Variants in PIK3R5 observed in about 807,000 individuals in gnomAD.
The protein encoded by PIK3R5 is phosphoinositide-3-kinase regulatory subunit 5, also known as phosphoinositide 3-kinase regulatory subunit 5.
PIK3R5 carries 32 observed loss-of-function variants against 94.9 expected under a neutral mutation model. The observed-to-expected ratio is 0.34, with a 90% CI of 0.25 to 0.45. The LOEUF is 0.45. Among genes scored for constraint, PIK3R5 ranks in the 20% least tolerant of loss-of-function variants. PIK3R5 has a pLI of 1.00. For synonymous variants in PIK3R5, 443 were observed against 479.4 expected (o/e 0.92, Z 0.99); for missense variants, 853 against 1,144.6 (o/e 0.75, Z 3.68).
At chr17:8,919,017 G>A (rs1365749551) in intron 1 of PIK3R5, among the ~76,000 whole-genome samples, 1 of 152,122 alleles carries the variant, frequency 6.6e-6, no homozygotes, top group Non-Finnish European at 1.5e-5. Context: ...CATTCACTAT[G>A]GTGAGTCCTC....
Position 8,886,492 on chromosome 17 carries a change from T to C in PIK3R5, c.2019A>G (p.Gln673=). 6.2e-7 allele frequency: 1 copy of C among 1,607,060 alleles called. No homozygotes were observed. The highest frequency in any genetic ancestry group is 2.2e-5 in the East Asian group (1 of 44,862). Residue 673 remains glutamine, a synonymous_variant, in exon 13 of 19, where the codon CAA becomes CAG. Coordinates refer to ENST00000447110, the MANE Select transcript of PIK3R5 (RefSeq NM_001142633.3). ...CRFAARPVLL[Q]VYQTELTFIT... ...GAGGCCTTACCTCGGTCTGATAGAC[T>C]TGCAGCAGCACCGGTCTGGCGGCAA...
intron 1 of PIK3R5, among the ~76,000 whole-genome samples, chr17:8,957,109 A>G (rs536457089): frequency 6.6e-6 from 1 of 152,348 alleles, no homozygotes; most frequent in East Asian, 1.9e-4. Flanking sequence ...TCTCAGAACA[A>G]CCAGCGTTTA....
chr17:8,929,197 G>A (rs1024386553), intron 1 of PIK3R5, among the ~76,000 whole-genome samples: 7 of 152,108 alleles, frequency 4.6e-5, no homozygotes, highest in African/African-American at 1.7e-4. Flanking sequence ...GCAGACTTGA[G>A]CCCTAACATA....
chr17:8,902,215 A>G (rs1160620205), intron 5 of PIK3R5, among the ~76,000 whole-genome samples: 4 of 145,840 alleles, frequency 2.7e-5, no homozygotes, highest in Non-Finnish European at 4.5e-5. Context: ...TTAATGGACT[A>G]AAAAAAAAAC....
At chr17:8,951,562 T>C (rs142420120) in intron 1 of PIK3R5, among the ~76,000 whole-genome samples, 2 of 152,386 alleles carry the variant, frequency 1.3e-5, no homozygotes, top group African/African-American at 4.8e-5. Context: ...ATGCATATCG[T>C]AGCATGTGTT....
chr17:8,921,601 T>C (rs912815290), intron 1 of PIK3R5, among the ~76,000 whole-genome samples: 1 of 152,198 alleles, frequency 6.6e-6, no homozygotes, highest in African/African-American at 2.4e-5. Flanking sequence ...AAATAAATTA[T>C]GTTGGGGAAA....
chr17:8,948,042 T>TAAAAAAAA (rs71135932), intron 1 of PIK3R5, among the ~76,000 whole-genome samples: 4 of 62,776 alleles, frequency 6.4e-5, no homozygotes, highest in African/African-American at 6.2e-5. Context: ...GACTCCGTCT[T>TAAAAAAAA]AAAAAAAAAA....
chr17:8,964,021 C>T lies in PIK3R5; in HGVS notation c.-14+1575G>A, dbSNP rs138897368. On this transcript the variant is annotated intron_variant, in intron 1 of 18. Coordinates refer to ENST00000447110, the MANE Select transcript of PIK3R5 (RefSeq NM_001142633.3). Reference sequence around the variant, plus strand: ...CCACCACAGCCACAACGAGGAAACACGGAAGCCAGCGTTCTACAAACATCC... The same window carrying T: ...CCACCACAGCCACAACGAGGAAACATGGAAGCCAGCGTTCTACAAACATCC... Among the ~76,000 whole-genome samples the T allele has an allele frequency of 5.5e-3, 842 of 152,276 alleles. 16 individuals carry two copies. Among genetic ancestry groups the T allele is most frequent in the African/African-American group, 0.019 (796 of 41,552 alleles).
intron 5 of PIK3R5, among the ~76,000 whole-genome samples, chr17:8,895,318 C>T (rs1597383395): frequency 6.6e-6 from 1 of 152,290 alleles, no homozygotes; most frequent in East Asian, 1.9e-4. Flanking sequence ...TTAACATTAA[C>T]CCACACCCCG....
At chr17:8,957,549 G>T (rs1173608031) in intron 1 of PIK3R5, among the ~76,000 whole-genome samples, 4 of 152,196 alleles carry the variant, frequency 2.6e-5, no homozygotes, top group Non-Finnish European at 4.4e-5. Flanking sequence ...ACCTATCTCT[G>T]GATATGAAGT....
chr17:8,899,158 G>A (rs12945251), intron 5 of PIK3R5, among the ~76,000 whole-genome samples: 7 of 152,286 alleles, frequency 4.6e-5, no homozygotes, highest in African/African-American at 1.7e-4. Flanking sequence ...TGGCACTGAC[G>A]TGAGGTTTCC....
At chr17:8,901,429 T>C (rs2090279941) in intron 5 of PIK3R5, among the ~76,000 whole-genome samples, 1 of 151,990 alleles carries the variant, frequency 6.6e-6, no homozygotes, top group African/African-American at 2.4e-5. Context: ...GATCAGCTGA[T>C]TGGGCGAGGC....
At chr17:8,908,052 T>C (rs934596930) in intron 3 of PIK3R5, among the ~76,000 whole-genome samples, 1 of 152,228 alleles carries the variant, frequency 6.6e-6, no homozygotes, top group Non-Finnish European at 1.5e-5. Context: ...ATTTCTCCTT[T>C]TGTGAACTGC....
intron 3 of PIK3R5, 77 bp downstream of exon 3, chr17:8,908,997 G>T: frequency 1.1e-6 from 1 of 888,268 alleles, no homozygotes. Context: ...ACCCAGGAAT[G>T]ATGTTCTCTG....
In PIK3R5 at chr17:8,955,212, C is replaced by T. The variant is rs2091449733; in HGVS notation, c.-14+10384G>A. 1.3e-5 allele frequency among the ~76,000 whole-genome samples: 2 copies of T among 152,212 alleles called. No individual in the cohort carries two copies. The highest frequency in any genetic ancestry group is 2.9e-5 in the Non-Finnish European group (2 of 68,040). On this transcript the variant is annotated intron_variant, in intron 1 of 18. Transcript: ENST00000447110. This position sits in a 1 kb window ranked among gnomAD's most constrained non-coding sequence, Gnocchi z 4.4. ...CCAGCCTGCCCGATCATCAGTCATC[C>T]AAGGCTGAGGCCCGGGCCTCTTCCA...
intron 10 of PIK3R5, among the ~76,000 whole-genome samples, chr17:8,887,893 C>T (rs1020143917): frequency 3.7e-4 from 56 of 150,498 alleles, no homozygotes; most frequent in African/African-American, 1.3e-3. Context: ...CCCAGCTACT[C>T]GGGAGGCTGA....
At chr17:8,885,133 C>T (rs1385521345) in intron 14 of PIK3R5, 2 of 288,626 alleles carry the variant, frequency 6.9e-6, no homozygotes, top group African/African-American at 2.3e-5. Flanking sequence ...TCCTGCCTCT[C>T]CAGGGCCCCA....
At position 8,897,835 on chromosome 17, in the gene PIK3R5, T is replaced by G. The variant is rs543942653; in HGVS notation, c.413-4180A>C. 1.6e-4 allele frequency among the ~76,000 whole-genome samples: 24 copies of G among 152,178 alleles called. No homozygotes were observed. In the South Asian group the frequency reaches 5.0e-3, roughly 32 times the overall value. On this transcript the variant is annotated intron_variant, in intron 5 of 18. Coordinates refer to ENST00000447110, the MANE Select transcript of PIK3R5 (RefSeq NM_001142633.3). ...TGAAGATGGTGACTTTTGCCAAGGA[T>G]GGTGGAGTGGAAAGATGAGGGAAGG...
In PIK3R5 at chr17:8,893,130, C is replaced by T. The variant is rs1442638713; in HGVS notation, c.482+456G>A. Among the ~76,000 whole-genome samples the T allele has an allele frequency of 1.3e-5, 2 of 150,312 alleles. No homozygotes were observed. Among genetic ancestry groups the T allele is most frequent in the African/African-American group, 4.9e-5 (2 of 40,612 alleles). On this transcript the variant is annotated intron_variant, in intron 6 of 18. Transcript: ENST00000447110. The surrounding 1 kb of genome is among the most constrained non-coding windows in gnomAD (Gnocchi z 5.1). ...ATAAAATGGATTTTTCTTATAGGTC[C>T]TGGTCAAAAAAGTTTGGAAACACTG... is the stretch of plus-strand genomic sequence containing the variant.
Sources: gnomAD v4.1 joint callset for allele counts (sites outside exome capture counted in the v4.1 genomes callset) on GRCh38, gnomAD v4.1.1 for gene constraint, Gnocchi (gnomAD v3.1) non-coding constraint, MANE v1.5 for transcripts, NCBI Gene and HGNC (gene_info 2026-07-23, HGNC 2026-07-21) for gene names.